Variants in PTPRG observed in about 807,000 individuals in gnomAD.
PTPRG encodes the protein receptor-type tyrosine-protein phosphatase gamma.
Under a neutral mutation model 165.3 loss-of-function variants are expected in PTPRG, and 102 were observed. The observed-to-expected ratio is 0.62, with a 90% CI of 0.53 to 0.73. The LOEUF (loss-of-function observed/expected upper bound fraction) is 0.73. PTPRG is among the 30% of genes least tolerant of loss of function. PTPRG has a pLI of 0.00. For synonymous variants in PTPRG, 675 were observed against 669.5 expected, an observed-to-expected ratio of 1.01 and a Z score of -0.13; for missense variants, 1,866 against 1,861.4, an observed-to-expected ratio of 1.00 and a Z score of -0.05.
chr3:62,182,166 G>T (rs1356977942), intron 8 of PTPRG, among the ~76,000 whole-genome samples: 1 of 152,142 alleles, frequency 6.6e-6, no homozygotes, highest in Admixed American at 6.6e-5. Flanking sequence ...TTGTTGAGTA[G>T]GCTGAGGAGG....
chr3:61,654,231 G>T (rs2365931), intron 1 of PTPRG, among the ~76,000 whole-genome samples: 1 of 152,096 alleles, frequency 6.6e-6, no homozygotes, highest in Non-Finnish European at 1.5e-5. Flanking sequence ...ACACCTGCCC[G>T]CCACCCCCTG....
chr3:61,628,248 C>T (rs1257808810), intron 1 of PTPRG, among the ~76,000 whole-genome samples: 1 of 152,038 alleles, frequency 6.6e-6, no homozygotes, highest in Non-Finnish European at 1.5e-5. Flanking sequence ...TCCCTCTTTC[C>T]CTTTGCTTGT....
chr3:61,970,207 T>C (rs1239757323), intron 2 of PTPRG, among the ~76,000 whole-genome samples: 1 of 151,984 alleles, frequency 6.6e-6, no homozygotes. Context: ...CTGGGTAGCT[T>C]TTTGGATGGC....
chr3:61,646,768 A>C (rs557556890), intron 1 of PTPRG, among the ~76,000 whole-genome samples: 9 of 152,260 alleles, frequency 5.9e-5, no homozygotes, highest in African/African-American at 1.9e-4. Flanking sequence ...CCATCACTGC[A>C]AAGATCTCAT....
chr3:62,037,160 C>A (rs11708069), intron 4 of PTPRG, among the ~76,000 whole-genome samples: 35,835 of 152,130 alleles, frequency 0.24, 4,492 homozygotes, highest in South Asian at 0.34. Flanking sequence ...GAGTGGTTAA[C>A]TTACTGATGC....
chr3:61,563,773 C>G (rs1375380808), intron 1 of PTPRG, among the ~76,000 whole-genome samples: 1 of 151,814 alleles, frequency 6.6e-6, no homozygotes, highest in Non-Finnish European at 1.5e-5. Context: ...GTCGTGCGAC[C>G]CGGAGCAGGG....
chr3:61,802,209 G>A (rs1247918562), intron 2 of PTPRG, among the ~76,000 whole-genome samples: 2 of 152,154 alleles, frequency 1.3e-5, no homozygotes, highest in Non-Finnish European at 2.9e-5. Context: ...AGTAGGAGGA[G>A]TAGGAGAATG....
intron 2 of PTPRG, among the ~76,000 whole-genome samples, chr3:61,955,783 A>G (rs1426555327): frequency 6.6e-6 from 1 of 152,230 alleles, no homozygotes. Flanking sequence ...AGGCACACAG[A>G]TATCTCTATG....
chr3:62,139,689 T>C (rs1274152792), intron 6 of PTPRG, among the ~76,000 whole-genome samples: 2 of 152,198 alleles, frequency 1.3e-5, no homozygotes, highest in Non-Finnish European at 2.9e-5. Context: ...CTGGCAGTTG[T>C]GGCTATGACA....
At chr3:61,926,448 G>A (rs772960261) in intron 2 of PTPRG, among the ~76,000 whole-genome samples, 2 of 152,014 alleles carry the variant, frequency 1.3e-5, no homozygotes, top group African/African-American at 2.4e-5. Context: ...CTCCATGATT[G>A]TAAGTTTACT....
At chr3:61,835,214 C>T (rs1200184981) in intron 2 of PTPRG, among the ~76,000 whole-genome samples, 1 of 152,144 alleles carries the variant, frequency 6.6e-6, no homozygotes, top group Non-Finnish European at 1.5e-5. Context: ...GCCTCAATTA[C>T]CTCAATATTC....
At chr3:61,814,744 C>G (rs1403198) in intron 2 of PTPRG, among the ~76,000 whole-genome samples, 13,394 of 150,812 alleles carry the variant, frequency 0.089, 853 homozygotes, top group South Asian at 0.18. Context: ...TATCTTATCT[C>G]ACTTTTTTCT....
chr3:62,208,652 G>C (rs1700286636), intron 12 of PTPRG, among the ~76,000 whole-genome samples: 1 of 152,170 alleles, frequency 6.6e-6, no homozygotes, highest in South Asian at 2.1e-4. Context: ...TTGGGCAGAG[G>C]CTCTGGGCTG....
At chr3:62,122,912 G>A (rs1703130731) in intron 5 of PTPRG, among the ~76,000 whole-genome samples, 1 of 152,092 alleles carries the variant, frequency 6.6e-6, no homozygotes, top group Non-Finnish European at 1.5e-5. Context: ...AGAAGCCAGG[G>A]CCCCCAACCT....
chr3:62,168,988 T>A (rs115569840), intron 8 of PTPRG, among the ~76,000 whole-genome samples: 2,090 of 152,244 alleles, frequency 0.014, 35 homozygotes, highest in Non-Finnish European at 0.018. Flanking sequence ...GTCTCCTCTC[T>A]GATTGTCCCT....
chr3:61,943,645 A>C (rs1407999538), intron 2 of PTPRG, among the ~76,000 whole-genome samples: 1 of 152,262 alleles, frequency 6.6e-6, no homozygotes, highest in East Asian at 1.9e-4. Context: ...AACACATGGC[A>C]GTGAAAAAGT....
chr3:62,224,662 T>C lies in PTPRG; in HGVS notation c.2288+5679T>C, dbSNP rs796650734. On this transcript the variant is annotated intron_variant, in intron 13 of 29. Coordinates refer to ENST00000474889, the MANE Select transcript of PTPRG (RefSeq NM_002841.4). This position sits in a 1 kb window ranked among gnomAD's most constrained non-coding sequence, Gnocchi z 4.9. Reference sequence around the variant, plus strand: ...CCAATCATTAGTCTGTACTTAAAATTTGGCTGAAACTAAAAACCATGAGCA... The same window carrying C: ...CCAATCATTAGTCTGTACTTAAAATCTGGCTGAAACTAAAAACCATGAGCA... 7.2e-5 allele frequency among the ~76,000 whole-genome samples: 11 copies of C among 152,324 alleles called. No homozygotes were observed. The highest frequency in any genetic ancestry group is 2.2e-4 in the African/African-American group (9 of 41,580).
At chr3:61,784,065 G>GA (rs1276441390) in intron 2 of PTPRG, among the ~76,000 whole-genome samples, 1 of 152,158 alleles carries the variant, frequency 6.6e-6, no homozygotes, top group Non-Finnish European at 1.5e-5. Flanking sequence ...TAAAGAAGCT[G>GA]AAAAACCAAG....
At chr3:62,185,631 A>G (rs1473764005) in intron 8 of PTPRG, among the ~76,000 whole-genome samples, 2 of 152,206 alleles carry the variant, frequency 1.3e-5, no homozygotes, top group Admixed American at 6.5e-5. Flanking sequence ...TCTAAAGGAA[A>G]TGGTTGCTCT....
Sources: gnomAD v4.1 joint callset for allele counts (sites outside exome capture counted in the v4.1 genomes callset) on GRCh38, gnomAD v4.1.1 for gene constraint, Gnocchi (gnomAD v3.1) non-coding constraint, MANE v1.5 for transcripts, NCBI Gene and HGNC (gene_info 2026-07-23, HGNC 2026-07-21) for gene names.